NECAB1: variants seen among roughly 807,000 people sequenced by gnomAD.
The protein encoded by NECAB1 is N-terminal EF-hand calcium-binding protein 1.
NECAB1 carries 29 observed loss-of-function variants against 57.5 expected under a neutral mutation model. The ratio of observed to expected loss-of-function variants is 0.50; its 90% CI spans 0.38 to 0.69. The LOEUF (loss-of-function observed/expected upper bound fraction) is 0.69. Among genes scored for constraint, NECAB1 ranks in the 30% least tolerant of loss-of-function variants. The pLI, the probability that NECAB1 is intolerant of heterozygous loss-of-function variation, is 0.00. For missense variants in NECAB1, 372 were observed against 413.8 expected, an observed-to-expected ratio of 0.90 and a Z score of 0.88; for synonymous variants, 142 against 147.7, an observed-to-expected ratio of 0.96 and a Z score of 0.28.
rs146011090 is a variant in NECAB1, at chr8:90,843,648, T to C, written c.233+18823T>C. On this transcript the variant is annotated intron_variant, in intron 3 of 12. Transcript: ENST00000417640. Reference sequence around the variant, plus strand: ...CCAAAGATAATTCAACACTGAACTCTGAGATTTGCTTCATTTCGCTTAAAC... The same window carrying C: ...CCAAAGATAATTCAACACTGAACTCCGAGATTTGCTTCATTTCGCTTAAAC... Among the ~76,000 whole-genome samples the C allele has an allele frequency of 1.8e-3, 273 of 152,366 alleles. 1 individual carries two copies. Among genetic ancestry groups the C allele is most frequent in the African/African-American group, 6.3e-3 (263 of 41,590 alleles).
chr8:90,858,851 C>T (rs1348935953), intron 3 of NECAB1, among the ~76,000 whole-genome samples: 3 of 152,156 alleles, frequency 2.0e-5, no homozygotes, highest in African/African-American at 7.2e-5. Flanking sequence ...CACACACACA[C>T]ATAAGCAAAT....
intron 4 of NECAB1, among the ~76,000 whole-genome samples, chr8:90,878,001 C>A (rs1252205463): frequency 6.6e-6 from 1 of 151,972 alleles, no homozygotes; most frequent in Non-Finnish European, 1.5e-5. Flanking sequence ...CCTATGAAGC[C>A]CTCTCTGACT....
chr8:90,951,247 TTTTG>T (rs757377232), intron 12 of NECAB1, 43 bp downstream of exon 12: 80 of 1,185,832 alleles, frequency 6.7e-5, no homozygotes, highest in Middle Eastern at 1.9e-4. Context: ...CCTTTTGTAT[TTTTG>T]TTTGTTTGTT....
intron 3 of NECAB1, among the ~76,000 whole-genome samples, chr8:90,853,184 G>A (rs1812719203): frequency 6.6e-6 from 1 of 152,258 alleles, no homozygotes; most frequent in African/African-American, 2.4e-5. Context: ...TGTGAGGGGT[G>A]GAGTGCAGCG....
chr8:90,899,595 G>A (rs1380921954), intron 5 of NECAB1, among the ~76,000 whole-genome samples: 1 of 152,190 alleles, frequency 6.6e-6, no homozygotes, highest in Non-Finnish European at 1.5e-5. Context: ...GAGATGTGCA[G>A]AAAGAAATAG....
rs74348195 is a variant in NECAB1 at position 90,795,357 on chromosome 8, G to A, written c.99+3372G>A. 5.9e-5 allele frequency among the ~76,000 whole-genome samples: 9 copies of A among 152,254 alleles called. No homozygotes were observed. In the East Asian group the frequency reaches 1.4e-3, roughly 23 times the overall value. ...TCAGTTTTCCTTTGATTTTTAACTG[G>A]AAGGGAAGTGACTGTTCCCCACTTC... On this transcript the variant is annotated intron_variant, in intron 1 of 12. Coordinates refer to ENST00000417640, the MANE Select transcript of NECAB1 (RefSeq NM_022351.5).
chr8:90,837,673 T>G (rs1345539038), intron 3 of NECAB1, among the ~76,000 whole-genome samples: 1 of 152,224 alleles, frequency 6.6e-6, no homozygotes, highest in African/African-American at 2.4e-5. Context: ...TTGACCTTTA[T>G]TTTTAAAATA....
chr8:90,902,151 G>C (rs1809517992), intron 5 of NECAB1, among the ~76,000 whole-genome samples: 2 of 152,152 alleles, frequency 1.3e-5, no homozygotes, highest in South Asian at 4.1e-4. Flanking sequence ...TGGGTGTGGT[G>C]GTTCACACCT....
At chr8:90,936,264 T>C (rs1461826484) in intron 9 of NECAB1, among the ~76,000 whole-genome samples, 3 of 152,154 alleles carry the variant, frequency 2.0e-5, no homozygotes, top group Non-Finnish European at 4.4e-5. Context: ...CCTTTTCCAT[T>C]AGTGAATGCT....
At chr8:90,849,573 A>T (rs1013044334) in intron 3 of NECAB1, among the ~76,000 whole-genome samples, 1 of 148,602 alleles carries the variant, frequency 6.7e-6, no homozygotes, top group Non-Finnish European at 1.5e-5. Flanking sequence ...TCCAGATAAG[A>T]TTGACTTATA....
At chr8:90,866,426 G>A (rs1808514355) in intron 3 of NECAB1, among the ~76,000 whole-genome samples, 1 of 152,142 alleles carries the variant, frequency 6.6e-6, no homozygotes, top group Non-Finnish European at 1.5e-5. Context: ...AAGGGGTATA[G>A]CAGTGTTTAG....
intron 10 of NECAB1, 36 bp from the exon 11 acceptor site, chr8:90,949,771 C>G: frequency 8.0e-7 from 1 of 1,254,394 alleles, no homozygotes; most frequent in South Asian, 1.3e-5. Context: ...TCTTTAATTT[C>G]CAGTAGCTAA....
At chr8:90,885,791 G>A (rs1478784450) in intron 5 of NECAB1, among the ~76,000 whole-genome samples, 4 of 152,092 alleles carry the variant, frequency 2.6e-5, no homozygotes, top group Admixed American at 2.6e-4. Flanking sequence ...TCTGGTATTA[G>A]GTACCTTTGG....
intron 3 of NECAB1, among the ~76,000 whole-genome samples, chr8:90,856,027 C>T (rs1737557857): frequency 6.6e-6 from 1 of 152,088 alleles, no homozygotes; most frequent in African/African-American, 2.4e-5. Context: ...GTTCCTGTTA[C>T]TTAGGATGCA....
Position 90,829,799 on chromosome 8 carries a change from C to T in NECAB1, c.233+4974C>T, listed in dbSNP as rs78998427. On this transcript the variant is annotated intron_variant, in intron 3 of 12. Transcript: ENST00000417640. Reference sequence around the variant, plus strand: ...TTAAAAAGCTCTTTTTTAAACCAAACTGAAATCTGTCTCTCTTAACTTCTA... The same window carrying T: ...TTAAAAAGCTCTTTTTTAAACCAAATTGAAATCTGTCTCTCTTAACTTCTA... 6.0e-3 allele frequency among the ~76,000 whole-genome samples: 907 copies of T among 152,122 alleles called. 8 individuals carry two copies. The highest frequency in any genetic ancestry group is 0.021 in the African/African-American group (859 of 41,518).
chr8:90,929,111 A>G (rs1810346652), intron 8 of NECAB1, among the ~76,000 whole-genome samples: 1 of 152,198 alleles, frequency 6.6e-6, no homozygotes, highest in Non-Finnish European at 1.5e-5. Context: ...GAGATAACAG[A>G]CTTTTTAAAA....
chr8:90,954,215 T>C (rs753521864), intron 12 of NECAB1, among the ~76,000 whole-genome samples: 6 of 152,092 alleles, frequency 3.9e-5, no homozygotes, highest in Admixed American at 6.5e-5. Context: ...CTAATTTTAC[T>C]CACAAATTAT....
At chr8:90,858,459 T>C (rs1457485862) in intron 3 of NECAB1, among the ~76,000 whole-genome samples, 2 of 152,198 alleles carry the variant, frequency 1.3e-5, no homozygotes, top group Non-Finnish European at 2.9e-5. Context: ...AAATTCTCTA[T>C]ATAAAGGGTT....
intron 1 of NECAB1, among the ~76,000 whole-genome samples, chr8:90,793,290 G>A (rs182885189): frequency 6.6e-6 from 1 of 152,268 alleles, no homozygotes; most frequent in Admixed American, 6.5e-5. Flanking sequence ...TAAGGCAAAT[G>A]ATAGAAGTGA....
Sources: gnomAD v4.1 joint callset for allele counts (sites outside exome capture counted in the v4.1 genomes callset) on GRCh38, gnomAD v4.1.1 for gene constraint, MANE v1.5 for transcripts, NCBI Gene and HGNC (gene_info 2026-07-23, HGNC 2026-07-21) for gene names.